BRCA1: variants seen among roughly 807,000 people sequenced by gnomAD.
BRCA1 encodes breast cancer type 1 susceptibility protein.
A neutral mutation model predicts 173.7 loss-of-function variants in BRCA1; 140 were observed. The observed-to-expected ratio is 0.81, with a 90% CI of 0.70 to 0.93. The LOEUF is 0.93. Among genes scored for constraint, BRCA1 ranks in the 40% least tolerant of loss-of-function variants. The pLI, the probability that BRCA1 is intolerant of heterozygous loss-of-function variation, is 0.00. For missense variants in BRCA1, 1,983 were observed against 2,172.5 expected, an observed-to-expected ratio of 0.91 and a Z score of 1.73; for synonymous variants, 662 against 756.0, an observed-to-expected ratio of 0.88 and a Z score of 2.04.
chr17:43,078,020 C>T (rs1039431560), intron 12 of BRCA1, among the ~76,000 whole-genome samples: 15 of 152,074 alleles, frequency 9.9e-5, no homozygotes, highest in African/African-American at 3.4e-4. Context: ...CAGGCGTGAG[C>T]CACTGCGCCC....
chr17:43,082,552 G>A lies in BRCA1; in HGVS notation c.4209C>T (p.Asn1403=), dbSNP rs786201224. ...CCATTTCCTGCTGGAGCTTTATCAGGTTATGTTGCATGGTATCCCTCTGCT... is the reference window on the plus strand; with the variant it reads ...CCATTTCCTGCTGGAGCTTTATCAGATTATGTTGCATGGTATCCCTCTGCT... ...TTQQRDTMQH[N]LIKLQQEMAE... Residue 1403 remains asparagine (N), a synonymous_variant, in exon 12 of 23, where the codon AAC becomes AAT. Coordinates refer to ENST00000357654, the MANE Select transcript of BRCA1 (RefSeq NM_007294.4). 4.3e-6 allele frequency: 7 copies of A among 1,614,034 alleles called. No homozygotes were observed. In the Admixed American group the frequency reaches 6.7e-5, roughly 15 times the overall value.
Position 43,104,813 on chromosome 17 carries a change from C to T in BRCA1, c.301+55G>A, listed in dbSNP as rs868735744. ...TCATAGAAAGTAATTGTGCAAACTT[C>T]CTGAGTTTTCATGGACAGCACTTGA... On this transcript the variant is annotated intron_variant, in intron 5 of 22. Transcript: ENST00000357654. 78 of 1,480,314 alleles carry T rather than the reference C, an allele frequency of 5.3e-5. No individual in the cohort carries two copies. In the Middle Eastern group the frequency reaches 6.0e-3, roughly 115 times the overall value. The allele number at this position is 1,480,314 out of a possible 1,614,324, so 91.7% of individuals were successfully genotyped here.
chr17:43,140,010 G>A (rs1346647218), intron 1 of BRCA1: 2 of 443,116 alleles, frequency 4.5e-6, no homozygotes, highest in African/African-American at 4.1e-5. Flanking sequence ...ACTCTTGGTG[G>A]GCTCCTTATT....
chr17:43,076,664 G>C (rs780108116), intron 12 of BRCA1, 50 bp from the exon 13 acceptor site: 2 of 1,600,412 alleles, frequency 1.2e-6, no homozygotes, highest in Non-Finnish European at 1.7e-6. Flanking sequence ...TGTTCTGATA[G>C]TGATAATTCA....
rs398122649 is a variant in BRCA1 at position 43,093,624 on chromosome 17, C to G, written c.1907G>C (p.Cys636Ser). 1 of 1,613,980 alleles carries G rather than the reference C, an allele frequency of 6.2e-7. No individual in the cohort carries two copies. Among genetic ancestry groups the G allele is most frequent in the Non-Finnish European group, 8.5e-7 (1 of 1,179,992 alleles). ...VVSRNLSPPN[C>S]TELQIDSCSS... ...ACAACTATCAATTTGCAATTCAGTA[C>G]AATTAGGTGGGCTTAGATTTCTACT... The change falls in exon 10 of 23, where the codon TGT (cysteine) becomes TCT (serine). Residue 636 changes from cysteine to serine, a missense_variant. Transcript: ENST00000357654.
chr17:43,140,490 T>C (rs1319846011), intron 1 of BRCA1, among the ~76,000 whole-genome samples: 1 of 152,166 alleles, frequency 6.6e-6, no homozygotes, highest in African/African-American at 2.4e-5. Flanking sequence ...ACTGAGCCCT[T>C]AACCTGTGGA....
At chr17:43,103,265 G>A (rs913552844) in intron 6 of BRCA1, among the ~76,000 whole-genome samples, 2 of 151,890 alleles carry the variant, frequency 1.3e-5, no homozygotes, top group Non-Finnish European at 2.9e-5. Flanking sequence ...TCAGGAGTTC[G>A]AGACCAGCCT....
upstream of BRCA1, among the ~76,000 whole-genome samples, chr17:43,127,049 CCCTGCACAGGGCAAGGCTCAGGA>C (rs2055901006): frequency 6.6e-6 from 1 of 152,230 alleles, no homozygotes; most frequent in Admixed American, 6.5e-5. Flanking sequence ...GCCCCAGCCG[CCCTGCACAGGGCAAGGCTCAGGA>C]CCTGCAGCCC....
At position 43,104,908 on chromosome 17, in the gene BRCA1, C is replaced by T. The variant is rs757971617; in HGVS notation, c.261G>A (p.Leu87=). ...CAAGCTGAAAAGCACAAATGATTTT[C>T]AATAGCTCTTCAACAAGTTGACTAA... The part of the protein sequence containing the change: ...TRFSQLVEEL[L]KIICAFQLDT... Residue 87 remains leucine (L), a synonymous_variant, in exon 5 of 23, where the codon TTG becomes TTA. Transcript: ENST00000357654. 2 of 1,613,964 alleles carry T rather than the reference C, an allele frequency of 1.2e-6. No individual in the cohort carries two copies. Among genetic ancestry groups the T allele is most frequent in the Non-Finnish European group, 1.7e-6 (2 of 1,179,986 alleles).
intron 3 of BRCA1, among the ~76,000 whole-genome samples, chr17:43,109,010 A>G (rs1567813913): frequency 6.6e-6 from 1 of 152,090 alleles, no homozygotes; most frequent in Non-Finnish European, 1.5e-5. Context: ...AAAACAAAAC[A>G]AAACAAAAAA....
Position 43,115,726 on chromosome 17 carries a change from T to G in BRCA1, c.134A>C (p.Lys45Thr), listed in dbSNP as rs80356863. The change falls in exon 3 of 23, where the codon AAA becomes ACA. Residue 45 changes from lysine to threonine, a missense_variant and splice_region_variant. Lys to Thr is a moderately conservative substitution (Grantham distance 78, BLOSUM62 -1). Transcript: ENST00000357654. ...VSTKCDHIFC[K>T]FCMLKLLNQK... ...AGCCACATAACACATTCAAACTTACTTGCAAAATATGTGGTCACACTTTGT... is the reference window on the plus strand; with the variant it reads ...AGCCACATAACACATTCAAACTTACGTGCAAAATATGTGGTCACACTTTGT... 6.2e-7 allele frequency: 1 copy of G among 1,613,248 alleles called. No individual in the cohort carries two copies. Among genetic ancestry groups the G allele is most frequent in the African/African-American group, 1.3e-5 (1 of 74,910 alleles).
At chr17:43,056,729 T>A (rs1407264831) in intron 19 of BRCA1, among the ~76,000 whole-genome samples, 1 of 151,502 alleles carries the variant, frequency 6.6e-6, no homozygotes, top group Non-Finnish European at 1.5e-5. Flanking sequence ...GACACCCCAG[T>A]GAAGTGAAAA....
chr17:43,151,018 G>T (rs1216802985), intron 1 of BRCA1, among the ~76,000 whole-genome samples: 1 of 152,146 alleles, frequency 6.6e-6, no homozygotes, highest in East Asian at 1.9e-4. Flanking sequence ...TTTATGAATA[G>T]TTGGGTGGGT....
chr17:43,141,018 C>T (rs1213072692), intron 1 of BRCA1, among the ~76,000 whole-genome samples: 3 of 152,230 alleles, frequency 2.0e-5, no homozygotes, highest in Non-Finnish European at 4.4e-5. Context: ...CTTTCTGTGG[C>T]ACTCAGGTCT....
intron 15 of BRCA1, among the ~76,000 whole-genome samples, chr17:43,068,547 T>C (rs973271048): frequency 3.4e-5 from 5 of 149,070 alleles, no homozygotes; most frequent in African/African-American, 1.2e-4. Flanking sequence ...TGAGATTTCA[T>C]GTCTTTAAAA....
intron 2 of BRCA1, among the ~76,000 whole-genome samples, chr17:43,118,129 T>C (rs975349987): frequency 2.6e-5 from 4 of 152,216 alleles, no homozygotes; most frequent in South Asian, 2.1e-4. Context: ...GACTAGAGGA[T>C]AGCTTAATAA....
chr17:43,130,255 C>A (rs2055954363), upstream of BRCA1, among the ~76,000 whole-genome samples: 1 of 152,130 alleles, frequency 6.6e-6, no homozygotes, highest in African/African-American at 2.4e-5. Flanking sequence ...GGTTCACGAT[C>A]CTTCCACCTC....
At chr17:43,066,812 C>CTTT (rs34253779) in intron 16 of BRCA1, among the ~76,000 whole-genome samples, 41 of 112,240 alleles carry the variant, frequency 3.7e-4, no homozygotes, top group African/African-American at 1.1e-3. Flanking sequence ...CCCTCCAAAC[C>CTTT]TTTTTTTTTT....
chr17:43,128,831 T>TTC (rs1002657066), upstream of BRCA1, among the ~76,000 whole-genome samples: 2 of 151,854 alleles, frequency 1.3e-5, no homozygotes, highest in Admixed American at 6.6e-5. Flanking sequence ...TTTTTTTTTT[T>TTC]TCGAGACAAA....
Sources: allele counts gnomAD v4.1 joint callset (sites outside exome capture counted in the v4.1 genomes callset), GRCh38; gene constraint gnomAD v4.1.1; transcripts MANE v1.5; gene names NCBI Gene and HGNC (gene_info 2026-07-23, HGNC 2026-07-21).